Variants in PRKCB observed in about 807,000 individuals in gnomAD.
PRKCB encodes protein kinase C beta.
In PRKCB, 13 loss-of-function variants were observed where a neutral mutation model predicts 81.5. That is an observed-to-expected ratio of 0.16 (90% confidence interval 0.10 to 0.25). PRKCB has a LOEUF of 0.25. Among genes scored for constraint, PRKCB ranks in the 10% least tolerant of loss-of-function variants. PRKCB has a pLI of 1.00. For missense variants in PRKCB, 509 were observed against 875.7 expected (o/e 0.58, Z 5.29); for synonymous variants, 335 against 321.4 (o/e 1.04, Z -0.45).
chr16:23,964,311 A>G (rs1282509014), intron 2 of PRKCB, among the ~76,000 whole-genome samples: 1 of 152,198 alleles, frequency 6.6e-6, no homozygotes, highest in Non-Finnish European at 1.5e-5. Flanking sequence ...CATGGACTGA[A>G]TTCATACACA....
At chr16:24,195,446 C>T (rs1000764101) in intron 16 of PRKCB, among the ~76,000 whole-genome samples, 2 of 152,118 alleles carry the variant, frequency 1.3e-5, no homozygotes, top group Non-Finnish European at 2.9e-5. Context: ...CTGATTCATG[C>T]ATGCTATTAA....
intron 7 of PRKCB, among the ~76,000 whole-genome samples, chr16:24,109,367 G>C (rs1314088173): frequency 9.9e-6 from 1 of 101,290 alleles, no homozygotes; most frequent in African/African-American, 4.6e-5. Flanking sequence ...GCTGCTAGGC[G>C]GAGGGGCTCC....
chr16:24,047,703 A>G (rs1298368301), intron 5 of PRKCB, among the ~76,000 whole-genome samples: 1 of 152,180 alleles, frequency 6.6e-6, no homozygotes, highest in Non-Finnish European at 1.5e-5. Context: ...CATAAGAAAC[A>G]CCCACCATAC....
At chr16:24,037,846 T>C (rs1049617318) in intron 5 of PRKCB, among the ~76,000 whole-genome samples, 4 of 149,120 alleles carry the variant, frequency 2.7e-5, no homozygotes, top group African/African-American at 5.0e-5. Context: ...ACTGGGTGGC[T>C]TAAGACAAGA....
chr16:24,163,812 A>G (rs896048777), intron 10 of PRKCB, among the ~76,000 whole-genome samples: 1 of 152,222 alleles, frequency 6.6e-6, no homozygotes, highest in African/African-American at 2.4e-5. Flanking sequence ...ACAAGCTGTC[A>G]TTACCCCCTT....
At chr16:24,001,786 C>A (rs929302685) in intron 3 of PRKCB, among the ~76,000 whole-genome samples, 2 of 151,996 alleles carry the variant, frequency 1.3e-5, no homozygotes, top group Non-Finnish European at 2.9e-5. Flanking sequence ...TAAACCTTTA[C>A]AATTTTTTTT....
chr16:24,072,244 G>T (rs560422373), intron 5 of PRKCB, among the ~76,000 whole-genome samples: 2 of 152,004 alleles, frequency 1.3e-5, no homozygotes, highest in African/African-American at 4.8e-5. Flanking sequence ...CCTTCTCCCA[G>T]CCCCTGGCAA....
Position 24,220,216 on chromosome 16 carries a change from A to G in PRKCB, c.*5400A>G. On this transcript the variant is annotated 3_prime_UTR_variant, in exon 17 of 17. Coordinates refer to ENST00000643927, the MANE Select transcript of PRKCB (RefSeq NM_002738.7). ...ATTCACGGTGCACATGCTGGCATTCAACATGTGGAAAGCTTGTCTTAGAGG... is the reference window on the plus strand; with the variant it reads ...ATTCACGGTGCACATGCTGGCATTCGACATGTGGAAAGCTTGTCTTAGAGG... The G allele has an allele frequency of 7.1e-7, 1 of 1,403,080 alleles. No homozygotes were observed. Among genetic ancestry groups the G allele is most frequent in the Non-Finnish European group, 9.8e-7 (1 of 1,024,302 alleles). The allele number at this position is 1,403,080 out of a possible 1,614,324, so 86.9% of individuals were successfully genotyped here. A position where few individuals can be genotyped will look rare whatever the true frequency, so the allele number is the denominator to read the frequency against.
chr16:24,021,307 C>CTCTTTCT (rs1397777370), intron 3 of PRKCB, among the ~76,000 whole-genome samples: 1 of 25,098 alleles, frequency 4.0e-5, no homozygotes, highest in Non-Finnish European at 6.8e-5. Flanking sequence ...TCCTTCCTTC[C>CTCTTTCT]TTCCTTCCTT....
intron 5 of PRKCB, among the ~76,000 whole-genome samples, chr16:24,070,202 G>C (rs1966090497): frequency 6.6e-6 from 1 of 150,392 alleles, no homozygotes; most frequent in Admixed American, 6.6e-5. Flanking sequence ...AGGCTGGAGT[G>C]CAGTGGCACG....
chr16:24,193,779 C>T (rs562870), intron 16 of PRKCB, among the ~76,000 whole-genome samples: 48,115 of 151,884 alleles, frequency 0.32, 8,001 homozygotes, highest in Non-Finnish European at 0.37. Context: ...TGTTGGAGAT[C>T]GATGCAAGCC....
At position 23,850,269 on chromosome 16, in the gene PRKCB, C is replaced by G. The variant is rs118177927; in HGVS notation, c.205+12863C>G. ...CCTATCTTTGCTATTGTAAGTAGTA[C>G]TGCAACAAACATGGGAATGCACATA... On this transcript the variant is annotated intron_variant, in intron 2 of 16. Transcript: ENST00000643927. 2.4e-4 allele frequency among the ~76,000 whole-genome samples: 37 copies of G among 152,202 alleles called. No individual in the cohort carries two copies. The East Asian group carries it at 7.1e-3, about 29-fold the overall frequency.
chr16:24,086,694 A>T (rs1262908510), intron 5 of PRKCB, among the ~76,000 whole-genome samples: 1 of 152,200 alleles, frequency 6.6e-6, no homozygotes, highest in Non-Finnish European at 1.5e-5. Context: ...CTTTGTCAGA[A>T]ATTTAAAATG....
intron 9 of PRKCB, among the ~76,000 whole-genome samples, chr16:24,136,096 GTTT>G (rs1555498950): frequency 5.1e-5 from 6 of 118,088 alleles, no homozygotes; most frequent in Admixed American, 1.7e-4. Context: ...ATTGCAGCGT[GTTT>G]TTTTTTTTTT....
intron 2 of PRKCB, among the ~76,000 whole-genome samples, chr16:23,843,881 C>T (rs1378292399): frequency 6.7e-6 from 1 of 149,330 alleles, no homozygotes; most frequent in Non-Finnish European, 1.5e-5. Flanking sequence ...TAATTTTATA[C>T]ACATTTGTAC....
intron 3 of PRKCB, among the ~76,000 whole-genome samples, chr16:24,028,766 A>C (rs1965514428): frequency 6.6e-6 from 1 of 151,986 alleles, no homozygotes; most frequent in African/African-American, 2.4e-5. Context: ...TATTATAAGT[A>C]AGGTAGCTAT....
intron 9 of PRKCB, among the ~76,000 whole-genome samples, chr16:24,138,845 C>CTTT (rs991952336): frequency 0.014 from 1,070 of 78,846 alleles, 83 homozygotes; most frequent in African/African-American, 0.048. Flanking sequence ...CAGTATTTGT[C>CTTT]TTTTTTTTTT....
intron 3 of PRKCB, among the ~76,000 whole-genome samples, chr16:24,027,576 G>A (rs1398832098): frequency 6.6e-6 from 1 of 152,176 alleles, no homozygotes; most frequent in African/African-American, 2.4e-5. Flanking sequence ...GGCGACAGCA[G>A]AAAAGACCTC....
intron 3 of PRKCB, among the ~76,000 whole-genome samples, chr16:24,024,946 A>G (rs557449746): frequency 6.6e-6 from 1 of 152,186 alleles, no homozygotes; most frequent in African/African-American, 2.4e-5. Context: ...GGAGGGAAGA[A>G]TCCACTGAGG....
Sources: gnomAD v4.1 joint callset for allele counts (sites outside exome capture counted in the v4.1 genomes callset) on GRCh38, gnomAD v4.1.1 for gene constraint, MANE v1.5 for transcripts, NCBI Gene and HGNC (gene_info 2026-07-23, HGNC 2026-07-21) for gene names.